The following SLC9A7 variants were observed in gnomAD, a reference collection of about 807,000 sequenced individuals.
The protein encoded by SLC9A7 is sodium/hydrogen exchanger 7.
SLC9A7 carries 19 observed loss-of-function variants against 52.6 expected under a neutral mutation model. The ratio of observed to expected loss-of-function variants is 0.36; its 90% CI spans 0.25 to 0.53. The LOEUF (loss-of-function observed/expected upper bound fraction) is 0.53, where lower values mean the gene tolerates loss of function less well. Among genes scored for constraint, SLC9A7 ranks in the 20% least tolerant of loss-of-function variants. SLC9A7 has a pLI of 0.91. For missense variants in SLC9A7, 455 were observed against 597.9 expected, an observed-to-expected ratio of 0.76 and a Z score of 2.49; for synonymous variants, 226 against 252.1, an observed-to-expected ratio of 0.90 and a Z score of 0.98.
At chrX:46,715,938 T>G (rs1037819197) in intron 1 of SLC9A7, among the ~76,000 whole-genome samples, 1 of 112,084 alleles carries the variant, frequency 8.9e-6, no homozygotes, top group African/African-American at 3.2e-5. Flanking sequence ...TATTTTAAAC[T>G]TATGATGGCT....
chrX:46,707,157 G>A (rs1194494468), intron 1 of SLC9A7, among the ~76,000 whole-genome samples: 1 of 112,115 alleles, frequency 8.9e-6, no homozygotes. Flanking sequence ...CACCTCTGCT[G>A]GCTTAAAGGC....
At chrX:46,756,014 A>G (rs1922641994) in intron 1 of SLC9A7, among the ~76,000 whole-genome samples, 1 of 109,362 alleles carries the variant, frequency 9.1e-6, no homozygotes, top group Non-Finnish European at 1.9e-5. Flanking sequence ...TTATATATAT[A>G]TAAATTTATC....
chrX:46,659,153 G>A (rs1261047720), intron 7 of SLC9A7, among the ~76,000 whole-genome samples: 2 of 111,817 alleles, frequency 1.8e-5, no homozygotes, highest in Non-Finnish European at 3.8e-5. Context: ...TGCAGAAAAG[G>A]CCTTTGACAA....
In SLC9A7 at chrX:46,621,034, T is replaced by C; in HGVS notation, c.1766A>G (p.Asn589Ser). Residue 589 changes from asparagine (N) to serine (S), a missense_variant, in exon 15 of 17, where the codon AAC (asparagine) becomes AGC (serine). By Grantham distance (46) the Asn-to-Ser change is conservative. This residue lies in a region of SLC9A7 where 146 missense variants were observed against 160.5 expected (regional missense o/e 0.91). Coordinates refer to ENST00000616978, the MANE Select transcript of SLC9A7 (RefSeq NM_001257291.2). Reference protein sequence around the residue: ...QGDGPDSARGNRTKQESAWIF... With the variant: ...QGDGPDSARGSRTKQESAWIF... Reference sequence around the variant, plus strand: ...CCATGCGCTCTCCTGTTTTGTCCGGTTTCCTCTGGCAGAATCTGGGCCGTC... The same window carrying C: ...CCATGCGCTCTCCTGTTTTGTCCGGCTTCCTCTGGCAGAATCTGGGCCGTC... 2 of 1,206,147 alleles carry C rather than the reference T, an allele frequency of 1.7e-6. No individual in the cohort carries two copies. Among genetic ancestry groups the C allele is most frequent in the East Asian group, 3.0e-5 (1 of 33,730 alleles).
chrX:46,649,899 C>T (rs1194174657), intron 10 of SLC9A7, among the ~76,000 whole-genome samples: 2 of 112,430 alleles, frequency 1.8e-5, no homozygotes, highest in Non-Finnish European at 3.8e-5. Flanking sequence ...CAGGGCTGTG[C>T]TCTCACTATC....
In SLC9A7 at chrX:46,758,989, GC is replaced by G; in HGVS notation, c.40del (p.Ala14LeufsTer59). 1 of 1,012,004 alleles carries G rather than the reference GC, an allele frequency of 9.9e-7. No individual in the cohort carries two copies. The allele number at this position is 1,012,004 out of a possible 1,213,427, so 83.4% of individuals were successfully genotyped here. On this transcript the variant is annotated frameshift_variant, in exon 1 of 17. Coordinates refer to ENST00000616978, the MANE Select transcript of SLC9A7 (RefSeq NM_001257291.2). LOFTEE classifies it high-confidence loss of function. Reference protein sequence around the residue: ...GDAARPGSGRATGAPPPRLLL... With the variant: ...GDAARPGSGRXTGAPPPRLLL... ...CAGCCGCGGCGGCGGCGCCCCGGTAGCCCGACCCGAGCCAGGGCGCGCCGCG... is the reference window on the plus strand; with the variant it reads ...CAGCCGCGGCGGCGGCGCCCCGGTAGCCGACCCGAGCCAGGGCGCGCCGCG...
chrX:46,718,865 C>T (rs921286076), intron 1 of SLC9A7, among the ~76,000 whole-genome samples: 1 of 112,087 alleles, frequency 8.9e-6, no homozygotes, highest in Middle Eastern at 4.2e-3. Context: ...TAAACTAGTT[C>T]AACCATTGTG....
At chrX:46,677,208 T>C (rs1944133510) in intron 3 of SLC9A7, among the ~76,000 whole-genome samples, 1 of 111,751 alleles carries the variant, frequency 8.9e-6, no homozygotes, top group Non-Finnish European at 1.9e-5. Context: ...TTGTGCAAGG[T>C]GGGGAATTGT....
At chrX:46,687,981 G>A (rs1944322086) in intron 1 of SLC9A7, among the ~76,000 whole-genome samples, 1 of 112,078 alleles carries the variant, frequency 8.9e-6, no homozygotes, top group Admixed American at 9.5e-5. Context: ...TGTTTTCAAG[G>A]TTTATCTATG....
At chrX:46,749,113 G>C (rs911594549) in intron 1 of SLC9A7, among the ~76,000 whole-genome samples, 2 of 112,069 alleles carry the variant, frequency 1.8e-5, no homozygotes, top group African/African-American at 3.2e-5. Flanking sequence ...ACACACAAAG[G>C]TTTCCTTCTC....
At chrX:46,643,209 C>T in intron 12 of SLC9A7, 27 bp downstream of exon 12, 2 of 1,183,575 alleles carry the variant, frequency 1.7e-6, no homozygotes, top group Non-Finnish European at 2.3e-6. Context: ...AACTGACATA[C>T]TCAATTAGCC....
chrX:46,646,787 C>T (rs1943500184), intron 11 of SLC9A7: 2 of 333,028 alleles, frequency 6.0e-6, no homozygotes, highest in Non-Finnish European at 1.2e-5. Context: ...GAAGCTGTTG[C>T]CATGGGCTGT....
At chrX:46,695,785 C>T (rs150937199) in intron 1 of SLC9A7, among the ~76,000 whole-genome samples, 1,381 of 109,970 alleles carry the variant, frequency 0.013, 29 homozygotes, top group African/African-American at 0.043. Flanking sequence ...AAGTGCCTGG[C>T]ATACTAGGTA....
intron 1 of SLC9A7, among the ~76,000 whole-genome samples, chrX:46,694,039 G>A (rs1274186951): frequency 1.8e-5 from 2 of 110,916 alleles, no homozygotes; most frequent in Non-Finnish European, 3.8e-5. Context: ...AGATATGATG[G>A]ACTACTTGGG....
chrX:46,658,532 A>G (rs1400072534), intron 7 of SLC9A7, among the ~76,000 whole-genome samples: 6 of 111,100 alleles, frequency 5.4e-5, no homozygotes, highest in Admixed American at 2.9e-4. Context: ...AAAAAATGAT[A>G]AAGGGGATAT....
intron 1 of SLC9A7, among the ~76,000 whole-genome samples, chrX:46,734,899 C>T (rs1945097589): frequency 8.9e-6 from 1 of 112,002 alleles, no homozygotes; most frequent in Non-Finnish European, 1.9e-5. Flanking sequence ...CTCCAGCCCT[C>T]GGCAACCATT....
chrX:46,631,721 G>C (rs1602153300), intron 13 of SLC9A7, 72 bp from the exon 14 acceptor site: 1 of 815,270 alleles, frequency 1.2e-6, no homozygotes, highest in East Asian at 3.2e-5. Flanking sequence ...AGCCATGCAG[G>C]CTGCAAGTAG....
intron 15 of SLC9A7, among the ~76,000 whole-genome samples, chrX:46,615,521 G>T (rs1167178301): frequency 9.1e-6 from 1 of 110,075 alleles, no homozygotes; most frequent in Non-Finnish European, 1.9e-5. Flanking sequence ...AAATACGCAG[G>T]AGGCCAGGGG....
chrX:46,712,975 CTTT>C (rs1283380381), intron 1 of SLC9A7, among the ~76,000 whole-genome samples: 1 of 112,145 alleles, frequency 8.9e-6, no homozygotes, highest in Admixed American at 9.5e-5. Flanking sequence ...TCCTCCTAGA[CTTT>C]TTGTTATTGT....
Sources: gnomAD v4.1 joint callset for allele counts (sites outside exome capture counted in the v4.1 genomes callset) on GRCh38, gnomAD v4.1.1 for gene constraint, gnomAD v4.1.1 regional missense constraint, MANE v1.5 for transcripts, NCBI Gene and HGNC (gene_info 2026-07-23, HGNC 2026-07-21) for gene names.